The following CIT variants were observed in gnomAD, a reference collection of about 807,000 sequenced individuals.
The protein encoded by CIT is citron Rho-interacting kinase.
In CIT, 79 loss-of-function variants were observed where a neutral mutation model predicts 272.7. The ratio of observed to expected loss-of-function variants is 0.29; its 90% CI spans 0.24 to 0.35. The LOEUF is 0.35. Among genes scored for constraint, CIT ranks in the 10% least tolerant of loss-of-function variants. The probability of loss-of-function intolerance (pLI) is 1.00; values close to 1 mark genes in which losing one functional copy is unlikely to be tolerated. For missense variants in CIT, 1,909 were observed against 2,618.3 expected (o/e 0.73, Z 5.91); for synonymous variants, 948 against 995.6 (o/e 0.95, Z 0.90).
At chr12:119,872,070 GAAC>G (rs1205197856) in intron 2 of CIT, among the ~76,000 whole-genome samples, 14 of 152,138 alleles carry the variant, frequency 9.2e-5, no homozygotes, top group Non-Finnish European at 1.5e-5. Context: ...GAGAAAAAAT[GAAC>G]ACCACATGAT....
intron 23 of CIT, among the ~76,000 whole-genome samples, chr12:119,745,389 A>AAAAAAAAAAAAAC (rs1959220375): frequency 6.9e-6 from 1 of 144,302 alleles, no homozygotes; most frequent in Non-Finnish European, 1.5e-5. Flanking sequence ...AAAAAAAAAA[A>AAAAAAAAAAAAAC]AAAAAAAAAC....
chr12:119,876,244 C>G, intron 1 of CIT, 63 bp from the exon 2 acceptor site: 1 of 992,378 alleles, frequency 1.0e-6, no homozygotes, highest in African/African-American at 1.6e-5. Context: ...CCTGAGAGAT[C>G]CTGATCTCCC....
At chr12:119,711,091 G>A (rs1013178218) in intron 37 of CIT, 1 of 1,366,560 alleles carries the variant, frequency 7.3e-7, no homozygotes, top group Non-Finnish European at 9.8e-7. Flanking sequence ...CACAGTCGCG[G>A]GCCTATTGTA....
intron 7 of CIT, among the ~76,000 whole-genome samples, chr12:119,826,658 A>G (rs932678861): frequency 6.6e-6 from 1 of 152,180 alleles, no homozygotes; most frequent in Non-Finnish European, 1.5e-5. Flanking sequence ...TTTTAGCTAT[A>G]TAGTGTGTTG....
chr12:119,709,021 G>T (rs559793367), intron 39 of CIT, among the ~76,000 whole-genome samples: 9 of 147,526 alleles, frequency 6.1e-5, no homozygotes, highest in Non-Finnish European at 1.3e-4. Context: ...CTGAGGAACC[G>T]TTCAGATTAA....
At position 119,718,010 on chromosome 12, in the gene CIT, T is replaced by A. The variant is rs1484376102; in HGVS notation, c.4168+235A>T. On this transcript the variant is annotated intron_variant, in intron 32 of 47. Transcript: ENST00000392521. The surrounding 1 kb of genome is among the most constrained non-coding windows in gnomAD (Gnocchi z 4.8). The stretch of plus-strand genomic sequence containing the variant: ...CATACACTACCATGCCCAGCTAATT[T>A]TGCATTTTTAGTAGAGACGGGGTTT... 6.6e-6 allele frequency among the ~76,000 whole-genome samples: 1 copy of A among 151,440 alleles called. No homozygotes were observed. The highest frequency in any genetic ancestry group is 1.5e-5 in the Non-Finnish European group (1 of 67,876).
chr12:119,732,812 G>A (rs1384217743), intron 26 of CIT, among the ~76,000 whole-genome samples: 1 of 152,184 alleles, frequency 6.6e-6, no homozygotes, highest in East Asian at 1.9e-4. Context: ...AGAATCACAG[G>A]AAGGTAAGTT....
chr12:119,689,198 C>G (rs918180309), intron 47 of CIT, among the ~76,000 whole-genome samples: 2 of 144,504 alleles, frequency 1.4e-5, no homozygotes, highest in Non-Finnish European at 3.1e-5. Flanking sequence ...ACAAAACAAA[C>G]AAACAAACAA....
chr12:119,862,965 A>AAAG (rs1439806966), intron 3 of CIT, among the ~76,000 whole-genome samples: 1 of 149,754 alleles, frequency 6.7e-6, no homozygotes, highest in Admixed American at 6.7e-5. Flanking sequence ...ACTTTGGGAA[A>AAAG]AAGACGAGGC....
chr12:119,725,923 A>G, intron 28 of CIT, among the ~76,000 whole-genome samples: 1 of 152,104 alleles, frequency 6.6e-6, no homozygotes, highest in East Asian at 1.9e-4. Context: ...CTAATTCTCT[A>G]TTTGACCACG....
intron 5 of CIT, among the ~76,000 whole-genome samples, chr12:119,839,241 A>T (rs1969233495): frequency 6.6e-6 from 1 of 152,230 alleles, no homozygotes; most frequent in South Asian, 2.1e-4. Context: ...GCACACGTGC[A>T]CACACACATA....
chr12:119,778,373 A>G (rs1362488437), intron 13 of CIT, among the ~76,000 whole-genome samples: 1 of 152,252 alleles, frequency 6.6e-6, no homozygotes, highest in Non-Finnish European at 1.5e-5. Flanking sequence ...ATGAATGAGC[A>G]TTTATGTAAT....
intron 16 of CIT, among the ~76,000 whole-genome samples, chr12:119,773,631 C>G (rs1034314070): frequency 6.6e-6 from 1 of 152,170 alleles, no homozygotes; most frequent in Non-Finnish European, 1.5e-5. Context: ...CAGGGTTTCA[C>G]CATGTTGGTC....
chr12:119,768,000 C>T (rs1962653996), intron 18 of CIT, among the ~76,000 whole-genome samples: 2 of 151,698 alleles, frequency 1.3e-5, no homozygotes, highest in Non-Finnish European at 2.9e-5. Context: ...CAACTTTCAC[C>T]TCCCAGGTTC....
intron 32 of CIT, among the ~76,000 whole-genome samples, chr12:119,717,660 A>G (rs948578282): frequency 1.3e-5 from 2 of 150,954 alleles, no homozygotes; most frequent in African/African-American, 4.9e-5. Context: ...ACCTCAGGTG[A>G]TCCGCCTGCC....
chr12:119,823,792 T>C (rs1023944618), intron 8 of CIT, among the ~76,000 whole-genome samples: 1 of 151,886 alleles, frequency 6.6e-6, no homozygotes, highest in Non-Finnish European at 1.5e-5. Flanking sequence ...GTAATCCCAA[T>C]ACTTTGGGAG....
chr12:119,772,926 GA>G lies in CIT; in HGVS notation c.1942-17del. 6.2e-7 allele frequency: 1 copy of G among 1,605,430 alleles called. No individual in the cohort carries two copies. Among genetic ancestry groups the G allele is most frequent in the Admixed American group, 1.7e-5 (1 of 58,462 alleles). ...CTTTTACAGCCTAGGAAGAGAGAAG[GA>G]AAAGGAGATAGGTGGGCAAATTTAT... On this transcript the variant is annotated splice_polypyrimidine_tract_variant and intron_variant, in intron 16 of 47. Transcript: ENST00000392521.
intron 9 of CIT, among the ~76,000 whole-genome samples, chr12:119,805,506 T>C (rs531356521): frequency 1.2e-4 from 19 of 152,232 alleles, no homozygotes; most frequent in Non-Finnish European, 1.8e-4. Context: ...GCTAGTGACA[T>C]AGAGCAGAAT....
At chr12:119,845,128 T>A (rs540864149) in intron 5 of CIT, among the ~76,000 whole-genome samples, 1 of 149,268 alleles carries the variant, frequency 6.7e-6, no homozygotes, top group Non-Finnish European at 1.5e-5. Flanking sequence ...TCAAAAAAAA[T>A]AAACCAAAAA....
Sources: gnomAD v4.1 joint callset for allele counts (sites outside exome capture counted in the v4.1 genomes callset) on GRCh38, gnomAD v4.1.1 for gene constraint, Gnocchi (gnomAD v3.1) non-coding constraint, MANE v1.5 for transcripts, NCBI Gene and HGNC (gene_info 2026-07-23, HGNC 2026-07-21) for gene names.